The following PHF11 variants were observed in gnomAD, a reference collection of about 807,000 sequenced individuals.
PHF11 encodes the protein BRCA1 C-terminus-associated protein.
A neutral mutation model predicts 40.5 loss-of-function variants in PHF11; 38 were observed. That is an observed-to-expected ratio of 0.94 (90% CI 0.72 to 1.23). PHF11 has a LOEUF of 1.23. Among genes scored for constraint, PHF11 ranks in the 50% most tolerant of loss-of-function variants. PHF11 has a pLI of 0.00. For synonymous variants in PHF11, 127 were observed against 138.2 expected (o/e 0.92, Z 0.57); for missense variants, 369 against 392.4 (o/e 0.94, Z 0.50).
intron 3 of PHF11, among the ~76,000 whole-genome samples, chr13:49,517,537 A>G (rs146454795): frequency 6.6e-6 from 1 of 152,278 alleles, no homozygotes; most frequent in Non-Finnish European, 1.5e-5. Context: ...ATCTCACATT[A>G]TCCTCAATGG....
intron 8 of PHF11, among the ~76,000 whole-genome samples, chr13:49,524,477 CT>C (rs59326982): frequency 0.056 from 8,001 of 143,106 alleles, 361 homozygotes; most frequent in East Asian, 0.12. Context: ...TTACCTCATT[CT>C]TTTTTTTTTT....
chr13:49,500,445 G>C (rs142772226), intron 1 of PHF11, among the ~76,000 whole-genome samples: 330 of 152,304 alleles, frequency 2.2e-3, no homozygotes, highest in Admixed American at 3.4e-3. Context: ...ATAACACATA[G>C]CAAGAGTTCA....
chr13:49,510,946 A>G (rs1314065154), intron 2 of PHF11, among the ~76,000 whole-genome samples: 1 of 152,212 alleles, frequency 6.6e-6, no homozygotes, highest in African/African-American at 2.4e-5. Flanking sequence ...AGATATAAAC[A>G]TTTCCATTAC....
At position 49,496,086 on chromosome 13, in the gene PHF11, C is replaced by A; in HGVS notation, c.85C>A (p.Leu29Ile). 7.2e-7 allele frequency: 1 copy of A among 1,395,628 alleles called. No homozygotes were observed. The allele number at this position is 1,395,628 out of a possible 1,614,324, so 86.5% of individuals were successfully genotyped here. Residue 29 changes from leucine (L) to isoleucine (I), a missense_variant, in exon 1 of 10, where the codon CTT (leucine) becomes ATT (isoleucine). Physicochemically the swap from Leu to Ile is conservative, Grantham distance 5 (BLOSUM62 2). Coordinates refer to ENST00000378319, the MANE Select transcript of PHF11 (RefSeq NM_001040443.3). ...CCGGCCCGCGCAGGAGGCGCTCCTC[C>A]TTCCCACCGGTGTGTACCGCGGGGG... ...EARPAQEALLLPTGVFQVAEK... is the reference protein window; with the variant it reads ...EARPAQEALLIPTGVFQVAEK...
At chr13:49,519,516 C>A (rs534015477) in intron 4 of PHF11, among the ~76,000 whole-genome samples, 7 of 151,972 alleles carry the variant, frequency 4.6e-5, no homozygotes, top group Non-Finnish European at 8.8e-5. Flanking sequence ...TGAATTTAAA[C>A]CTTCATGCCT....
At chr13:49,515,455 TACACACACACACACACACACACAC>T (rs61316360) in intron 3 of PHF11, among the ~76,000 whole-genome samples, 11,685 of 137,696 alleles carry the variant, frequency 0.085, 935 homozygotes, top group African/African-American at 0.21. Context: ...CCATCTCCTA[TACACACACACACACACACACACAC>T]ACACACACAC....
chr13:49,523,467 A>G, intron 7 of PHF11: 2 of 527,294 alleles, frequency 3.8e-6, no homozygotes, highest in South Asian at 2.5e-5. Context: ...GAAAAGATAG[A>G]CTTCTATTAA....
intron 7 of PHF11, chr13:49,523,876 C>T (rs1211832313): frequency 6.2e-6 from 2 of 324,206 alleles, no homozygotes; most frequent in South Asian, 9.5e-5. Context: ...TTCATTTTTA[C>T]TTTTTGTAAC....
chr13:49,506,936 C>G (rs1424436977), intron 2 of PHF11, among the ~76,000 whole-genome samples, 180 bp downstream of exon 2: 11 of 114,906 alleles, frequency 9.6e-5, no homozygotes, highest in Non-Finnish European at 1.7e-4. Flanking sequence ...CGGAGTTTCA[C>G]TCTGTCACCC....
At chr13:49,500,492 G>A (rs1958884803) in intron 1 of PHF11, among the ~76,000 whole-genome samples, 1 of 152,134 alleles carries the variant, frequency 6.6e-6, no homozygotes, top group South Asian at 2.1e-4. Flanking sequence ...AAAGTCCTCA[G>A]TGTGACTCCC....
intron 2 of PHF11, among the ~76,000 whole-genome samples, chr13:49,508,265 G>A (rs1033437798): frequency 2.7e-5 from 4 of 145,914 alleles, no homozygotes; most frequent in Non-Finnish European, 6.0e-5. Flanking sequence ...AATGTGTTAT[G>A]TATTAATATA....
At chr13:49,526,137 C>A (rs1959260073) in intron 8 of PHF11, 3 of 429,406 alleles carry the variant, frequency 7.0e-6, no homozygotes, top group Admixed American at 3.7e-5. Flanking sequence ...CCACTGCACT[C>A]CAGTCTGGGC....
intron 1 of PHF11, chr13:49,496,958 C>G (rs971672443): frequency 4.9e-5 from 36 of 735,654 alleles, no homozygotes; most frequent in Non-Finnish European, 6.3e-5. Context: ...CTCAGCCTCC[C>G]GAGTGGATGG....
intron 4 of PHF11, among the ~76,000 whole-genome samples, chr13:49,519,657 C>T (rs901807675): frequency 2.1e-5 from 3 of 141,156 alleles, no homozygotes; most frequent in African/African-American, 5.5e-5. Context: ...CATGGGATAA[C>T]GAGAGCAGGA....
chr13:49,512,990 A>C (rs1476664512), intron 2 of PHF11, 69 bp from the exon 3 acceptor site: 5 of 777,272 alleles, frequency 6.4e-6, no homozygotes, highest in Middle Eastern at 2.4e-4. Context: ...CACTTTTGGT[A>C]TGATTTTCTG....
chr13:49,508,517 G>A (rs921364896), intron 2 of PHF11, among the ~76,000 whole-genome samples: 1 of 150,692 alleles, frequency 6.6e-6, no homozygotes, highest in Non-Finnish European at 1.5e-5. Flanking sequence ...CTTGGGGTTG[G>A]GCATATTCCT....
chr13:49,503,721 G>GT (rs756165997), intron 1 of PHF11, among the ~76,000 whole-genome samples: 2 of 152,088 alleles, frequency 1.3e-5, no homozygotes, highest in Admixed American at 6.6e-5. Context: ...TCTTTTTTGG[G>GT]TTTTTTGTTT....
In PHF11 at chr13:49,506,657, G is replaced by T. The variant is rs868343731; in HGVS notation, c.117G>T (p.Lys39Asn). The change falls in exon 2 of 10, where the codon AAG becomes AAT. Residue 39 changes from lysine (K) to asparagine (N), a missense_variant. Lys to Asn is a moderately conservative substitution (Grantham distance 94). Transcript: ENST00000378319. ...LPTGVFQVAEKMEKRTCALCP... is the reference protein window; with the variant it reads ...LPTGVFQVAENMEKRTCALCP... The stretch of plus-strand genomic sequence containing the variant: ...TAGGTGTCTTTCAGGTTGCAGAAAA[G>T]ATGGAAAAAAGGACATGTGCACTCT... The T allele has an allele frequency of 6.2e-7, 1 of 1,613,066 alleles. No individual in the cohort carries two copies. Among genetic ancestry groups the T allele is most frequent in the Non-Finnish European group, 8.5e-7 (1 of 1,179,498 alleles).
At chr13:49,498,641 A>T (rs1227738754) in intron 1 of PHF11, among the ~76,000 whole-genome samples, 1 of 152,234 alleles carries the variant, frequency 6.6e-6, no homozygotes, top group African/African-American at 2.4e-5. Flanking sequence ...GATCATTCTG[A>T]CAGTAACGTA....
Sources: allele counts gnomAD v4.1 joint callset (sites outside exome capture counted in the v4.1 genomes callset), GRCh38; gene constraint gnomAD v4.1.1; transcripts MANE v1.5; gene names NCBI Gene and HGNC (gene_info 2026-07-23, HGNC 2026-07-21).